DCDC1: variants seen among roughly 807,000 people sequenced by gnomAD.
The protein encoded by DCDC1 is doublecortin domain-containing protein 1.
DCDC1 carries 200 observed loss-of-function variants against 178.3 expected under a neutral mutation model. The ratio of observed to expected loss-of-function variants is 1.12; its 90% CI spans 1.00 to 1.26. DCDC1 has a LOEUF of 1.26. Among genes scored for constraint, DCDC1 ranks in the 50% most tolerant of loss-of-function variants. The pLI is 0.00. For missense variants in DCDC1, 1,983 were observed against 1,749.2 expected, an observed-to-expected ratio of 1.13 and a Z score of -2.38; for synonymous variants, 690 against 604.8, an observed-to-expected ratio of 1.14 and a Z score of -2.07.
At chr11:31,073,386 G>A (rs1353520711) in intron 18 of DCDC1, among the ~76,000 whole-genome samples, 1 of 149,830 alleles carries the variant, frequency 6.7e-6, no homozygotes, top group Non-Finnish European at 1.5e-5. Flanking sequence ...CTAAATTTGG[G>A]GAAAAAAAAT....
intron 17 of DCDC1, among the ~76,000 whole-genome samples, chr11:31,087,517 T>C (rs1277933493): frequency 6.6e-6 from 1 of 152,140 alleles, no homozygotes; most frequent in Admixed American, 6.6e-5. Flanking sequence ...CAGTGTTTCA[T>C]AAATTTTAAT....
At chr11:30,900,581 T>G in intron 32 of DCDC1, 83 bp from the exon 33 acceptor site, 1 of 1,225,844 alleles carries the variant, frequency 8.2e-7, no homozygotes, top group East Asian at 2.9e-5. Flanking sequence ...TCAAAATATT[T>G]TATTATTCAT....
At chr11:31,294,597 T>TAGGGAGGGGA (rs1947469666) in intron 6 of DCDC1, among the ~76,000 whole-genome samples, 1 of 45,010 alleles carries the variant, frequency 2.2e-5, no homozygotes, top group Non-Finnish European at 4.5e-5. Context: ...AGGAAAGGGA[T>TAGGGAGGGGA]GGGGAGGGGA....
At chr11:31,084,749 T>C (rs1007685113) in intron 17 of DCDC1, among the ~76,000 whole-genome samples, 2 of 152,024 alleles carry the variant, frequency 1.3e-5, no homozygotes, top group African/African-American at 4.8e-5. Flanking sequence ...TTTGCTTGTT[T>C]CATGAACATC....
chr11:31,348,120 T>C (rs1373790614), intron 1 of DCDC1, among the ~76,000 whole-genome samples: 2 of 152,228 alleles, frequency 1.3e-5, no homozygotes, highest in East Asian at 3.8e-4. Flanking sequence ...CTTACTCTTA[T>C]CTATATTAAT....
chr11:30,911,235 G>C, intron 28 of DCDC1, 92 bp downstream of exon 28: 1 of 804,796 alleles, frequency 1.2e-6, no homozygotes, highest in Non-Finnish European at 1.9e-6. Flanking sequence ...TTCTATGACA[G>C]TTTTTTTTTT....
intron 3 of DCDC1, among the ~76,000 whole-genome samples, chr11:31,324,163 A>G (rs1391577836): frequency 6.6e-6 from 1 of 152,092 alleles, no homozygotes; most frequent in African/African-American, 2.4e-5. Flanking sequence ...CTACATATAT[A>G]CTACATAGAA....
At chr11:31,157,171 G>A (rs1245364717) in intron 9 of DCDC1, among the ~76,000 whole-genome samples, 1 of 151,132 alleles carries the variant, frequency 6.6e-6, no homozygotes, top group East Asian at 1.9e-4. Flanking sequence ...TTAAAGCCAG[G>A]AGTTTGAGAC....
intron 4 of DCDC1, 37 bp downstream of exon 4, chr11:31,307,602 C>T: frequency 6.2e-7 from 1 of 1,605,198 alleles, no homozygotes; most frequent in Non-Finnish European, 8.5e-7. Flanking sequence ...AGAACTTCAA[C>T]AATAGGTTAA....
At chr11:31,247,918 A>C (rs1159114668) in intron 8 of DCDC1, among the ~76,000 whole-genome samples, 2 of 152,078 alleles carry the variant, frequency 1.3e-5, no homozygotes, top group African/African-American at 2.4e-5. Context: ...AGTAATGTAA[A>C]ATAATTGGTT....
chr11:31,221,129 G>C (rs1974214425), intron 9 of DCDC1, among the ~76,000 whole-genome samples: 1 of 152,110 alleles, frequency 6.6e-6, no homozygotes, highest in African/African-American at 2.4e-5. Context: ...TGTCCTTCTT[G>C]CATGCGAAAC....
At chr11:31,193,957 A>T (rs1970401176) in intron 9 of DCDC1, among the ~76,000 whole-genome samples, 1 of 152,092 alleles carries the variant, frequency 6.6e-6, no homozygotes, top group African/African-American at 2.4e-5. Flanking sequence ...GTGGAACTGA[A>T]GTGGACAGAA....
At chr11:31,181,213 A>G (rs554342312) in intron 9 of DCDC1, among the ~76,000 whole-genome samples, 51 of 152,342 alleles carry the variant, frequency 3.3e-4, no homozygotes, top group African/African-American at 1.2e-3. Context: ...CAGCAGCTCC[A>G]GTCAGGGGCT....
At chr11:30,907,488 G>A (rs1590317374) in intron 29 of DCDC1, among the ~76,000 whole-genome samples, 1 of 152,266 alleles carries the variant, frequency 6.6e-6, no homozygotes, top group East Asian at 1.9e-4. Context: ...GGCCAACACA[G>A]CACTAACAAA....
At chr11:31,210,157 G>A (rs887391912) in intron 9 of DCDC1, among the ~76,000 whole-genome samples, 1 of 152,130 alleles carries the variant, frequency 6.6e-6, no homozygotes. Flanking sequence ...AGTTCCTCAG[G>A]CTGCCAGAGC....
intron 6 of DCDC1, among the ~76,000 whole-genome samples, chr11:31,299,642 T>A (rs560466909): frequency 2.0e-5 from 3 of 152,248 alleles, no homozygotes; most frequent in Non-Finnish European, 4.4e-5. Context: ...TATTTCAAGA[T>A]CTCAGACCTA....
At chr11:30,965,346 T>G (rs1949363799) in intron 20 of DCDC1, among the ~76,000 whole-genome samples, 1 of 152,020 alleles carries the variant, frequency 6.6e-6, no homozygotes, top group Non-Finnish European at 1.5e-5. Context: ...AGAAATATTG[T>G]GCTGGCCAGC....
At chr11:31,129,969 T>C (rs1026479414) in intron 10 of DCDC1, among the ~76,000 whole-genome samples, 1 of 152,150 alleles carries the variant, frequency 6.6e-6, no homozygotes, top group African/African-American at 2.4e-5. Flanking sequence ...TGCACACACA[T>C]ACACGCATCC....
intron 7 of DCDC1, among the ~76,000 whole-genome samples, chr11:31,274,898 A>G (rs1459236645): frequency 2.0e-5 from 3 of 151,928 alleles, no homozygotes; most frequent in Non-Finnish European, 4.4e-5. Context: ...ATAGGGTTTC[A>G]CTATGTTTGC....
Sources: allele counts gnomAD v4.1 joint callset (sites outside exome capture counted in the v4.1 genomes callset), GRCh38; gene constraint gnomAD v4.1.1; transcripts MANE v1.5; gene names NCBI Gene and HGNC (gene_info 2026-07-23, HGNC 2026-07-21).